The following AP3B1 variants were observed in gnomAD, a reference collection of about 807,000 sequenced individuals.
AP3B1 encodes adaptor related protein complex 3 subunit beta 1.
A neutral mutation model predicts 132.5 loss-of-function variants in AP3B1; 61 were observed. The ratio of observed to expected loss-of-function variants is 0.46; its 90% CI spans 0.37 to 0.57. The LOEUF is 0.57. Ranked by LOEUF, AP3B1 falls within the 20% of genes least tolerant of loss-of-function variation. The probability of loss-of-function intolerance (pLI) is 0.00; values close to 1 mark genes in which losing one functional copy is unlikely to be tolerated. For synonymous variants in AP3B1, 388 were observed against 438.3 expected (o/e 0.89, Z 1.43); for missense variants, 1,120 against 1,289.4 (o/e 0.87, Z 2.01).
chr5:78,181,688 G>C (rs770594951), intron 7 of AP3B1, 26 bp from the exon 8 acceptor site: 2 of 1,606,750 alleles, frequency 1.2e-6, no homozygotes, highest in South Asian at 2.2e-5. Flanking sequence ...TCCAACCCAA[G>C]ATTACTTTAG....
chr5:78,141,682 G>T (rs1032397513), intron 14 of AP3B1, among the ~76,000 whole-genome samples: 2 of 152,058 alleles, frequency 1.3e-5, no homozygotes, highest in Admixed American at 6.6e-5. Flanking sequence ...AATAGTTACA[G>T]TGAAGACCAT....
intron 23 of AP3B1, among the ~76,000 whole-genome samples, chr5:78,035,375 T>A (rs1360710818): frequency 6.6e-6 from 1 of 152,036 alleles, no homozygotes; most frequent in Non-Finnish European, 1.5e-5. Context: ...TATATTTAGC[T>A]TTATCTATTC....
chr5:78,292,287 G>T (rs1418101132), intron 1 of AP3B1, among the ~76,000 whole-genome samples: 1 of 152,024 alleles, frequency 6.6e-6, no homozygotes, highest in Non-Finnish European at 1.5e-5. Flanking sequence ...CCAGAACAGG[G>T]GTCTCCTTGT....
At chr5:78,077,484 C>G (rs76280063) in intron 22 of AP3B1, among the ~76,000 whole-genome samples, 1,903 of 152,216 alleles carry the variant, frequency 0.013, 50 homozygotes, top group African/African-American at 0.044. Context: ...CTACATGTAC[C>G]GGCACACAAA....
At chr5:78,267,719 G>A (rs976827417) in intron 1 of AP3B1, 124 bp from the exon 2 acceptor site, 16 of 592,096 alleles carry the variant, frequency 2.7e-5, no homozygotes, top group Non-Finnish European at 4.0e-5. Context: ...GCAGCAAGAA[G>A]GTGGCCATCT....
At chr5:78,125,901 C>A (rs900200336) in intron 17 of AP3B1, among the ~76,000 whole-genome samples, 3 of 152,082 alleles carry the variant, frequency 2.0e-5, no homozygotes, top group African/African-American at 7.2e-5. Flanking sequence ...AGCCAGCCAA[C>A]AAACCAATCT....
intron 22 of AP3B1, chr5:78,043,895 A>AC (rs1209792049): frequency 2.9e-6 from 1 of 349,782 alleles, no homozygotes; most frequent in Non-Finnish European, 5.6e-6. Flanking sequence ...TAATTTGGGA[A>AC]CCATTACCAT....
At chr5:78,155,353 A>G (rs917809975) in intron 14 of AP3B1, among the ~76,000 whole-genome samples, 1 of 151,990 alleles carries the variant, frequency 6.6e-6, no homozygotes, top group Non-Finnish European at 1.5e-5. Context: ...TGTCTTTCCT[A>G]CCCTCTTCAG....
At chr5:78,138,632 A>G (rs1041248825) in intron 15 of AP3B1, among the ~76,000 whole-genome samples, 5 of 152,176 alleles carry the variant, frequency 3.3e-5, no homozygotes, top group African/African-American at 1.2e-4. Flanking sequence ...ATTAAAAAAA[A>G]TCACTGTGTT....
At chr5:78,005,173 A>G (rs1746339884) in intron 26 of AP3B1, among the ~76,000 whole-genome samples, 1 of 152,216 alleles carries the variant, frequency 6.6e-6, no homozygotes, top group Non-Finnish European at 1.5e-5. Flanking sequence ...TTCACTCAAC[A>G]AATATTTCAA....
At chr5:78,274,032 G>GA (rs57157997) in intron 1 of AP3B1, among the ~76,000 whole-genome samples, 4,206 of 91,508 alleles carry the variant, frequency 0.046, 165 homozygotes, top group African/African-American at 0.13. Flanking sequence ...AGAAAAAAAG[G>GA]AAAAAAAAAA....
intron 14 of AP3B1, among the ~76,000 whole-genome samples, chr5:78,147,293 A>G (rs1753447853): frequency 6.6e-6 from 1 of 151,886 alleles, no homozygotes; most frequent in Non-Finnish European, 1.5e-5. Context: ...TTAACTGTAA[A>G]TCTCACTTTC....
intron 5 of AP3B1, among the ~76,000 whole-genome samples, chr5:78,226,094 A>T (rs952374463): frequency 1.3e-5 from 2 of 152,108 alleles, no homozygotes; most frequent in Non-Finnish European, 2.9e-5. Context: ...GAAAAATAAG[A>T]GGTAGTAATA....
intron 21 of AP3B1, among the ~76,000 whole-genome samples, chr5:78,095,778 AAC>A (rs1458299106): frequency 6.6e-6 from 1 of 152,194 alleles, no homozygotes; most frequent in African/African-American, 2.4e-5. Flanking sequence ...CAATCCAGAA[AAC>A]ACAGGCTGAA....
chr5:78,290,656 A>C (rs1561224767), intron 1 of AP3B1, among the ~76,000 whole-genome samples: 1 of 152,176 alleles, frequency 6.6e-6, no homozygotes, highest in Non-Finnish European at 1.5e-5. Flanking sequence ...ATATTTTAAA[A>C]AGAAGGAAGG....
At chr5:78,024,831 G>C (rs1258787632) in intron 24 of AP3B1, among the ~76,000 whole-genome samples, 1 of 150,524 alleles carries the variant, frequency 6.6e-6, no homozygotes, top group East Asian at 1.9e-4. Flanking sequence ...CTAAAGTGCT[G>C]GGATTACAGG....
chr5:78,116,173 G>T lies in AP3B1; in HGVS notation c.2030C>A (p.Ser677Tyr), dbSNP rs377485358. 3 of 1,613,728 alleles carry T rather than the reference G, an allele frequency of 1.9e-6. No individual in the cohort carries two copies. In the African/African-American group the frequency reaches 4.0e-5, roughly 22 times the overall value. Reference protein sequence around the residue: ...KQENSAKKFYSESEEEEDSSD... With the variant: ...KQENSAKKFYYESEEEEDSSD... Reference sequence around the variant, plus strand: ...AGAGTCCTCCTCTTCCTCAGATTCAGAATAAAACTTCTTAGCAGAATTCTC... The same window carrying T: ...AGAGTCCTCCTCTTCCTCAGATTCATAATAAAACTTCTTAGCAGAATTCTC... The change falls in exon 18 of 27, where the codon TCT (serine) becomes TAT (tyrosine). Residue 677 changes from serine (S) to tyrosine (Y), a missense_variant. Around this residue, in one of 3 missense-constraint regions of AP3B1, gnomAD observed 906 missense variants for 997.1 expected, o/e 0.91. Transcript: ENST00000255194.
intron 22 of AP3B1, among the ~76,000 whole-genome samples, chr5:78,083,954 T>C (rs2112188412): frequency 6.6e-6 from 1 of 152,184 alleles, no homozygotes; most frequent in South Asian, 2.1e-4. Flanking sequence ...CTAGAATAAA[T>C]AAAAATTATA....
At position 78,129,314 on chromosome 5, in the gene AP3B1, GA is replaced by G; in HGVS notation, c.1651-8del. 2.5e-6 allele frequency: 4 copies of G among 1,596,432 alleles called. No individual in the cohort carries two copies. The highest frequency in any genetic ancestry group is 2.2e-5 in the South Asian group (2 of 90,730). ...ACTGGGTAAGCAATTTTGTCTGTTGGAAAAAAACAGATCAAGATGAGAATAC... is the reference window on the plus strand; with the variant it reads ...ACTGGGTAAGCAATTTTGTCTGTTGGAAAAAACAGATCAAGATGAGAATAC... On this transcript the variant is annotated splice_polypyrimidine_tract_variant and splice_region_variant and intron_variant, in intron 15 of 26. Coordinates refer to ENST00000255194, the MANE Select transcript of AP3B1 (RefSeq NM_003664.5).
Sources: allele counts gnomAD v4.1 joint callset (sites outside exome capture counted in the v4.1 genomes callset), GRCh38; gene constraint gnomAD v4.1.1; regional missense constraint gnomAD v4.1.1; transcripts MANE v1.5; gene names NCBI Gene and HGNC (gene_info 2026-07-23, HGNC 2026-07-21).